The following RTN4 variants were observed in gnomAD, a reference collection of about 807,000 sequenced individuals.
RTN4 encodes the protein reticulon-4.
In RTN4, 32 loss-of-function variants were observed where a neutral mutation model predicts 90.4. That is an observed-to-expected ratio of 0.35 (90% confidence interval 0.27 to 0.48). The LOEUF (loss-of-function observed/expected upper bound fraction) is 0.48. RTN4 is among the 20% of genes least tolerant of loss of function. The pLI, the probability that RTN4 is intolerant of heterozygous loss-of-function variation, is 0.99. For synonymous variants in RTN4, 629 were observed against 552.5 expected (o/e 1.14, Z -1.94); for missense variants, 1,706 against 1,430.2 (o/e 1.19, Z -3.11).
chr2:55,029,194 C>A (rs968144778), intron 1 of RTN4, among the ~76,000 whole-genome samples: 8 of 152,252 alleles, frequency 5.3e-5, no homozygotes, highest in African/African-American at 1.7e-4. Flanking sequence ...CACCTATAAG[C>A]CAGGAGAAGA....
At position 54,982,334 on chromosome 2, in the gene RTN4, A is replaced by T. The variant is rs368145546; in HGVS notation, c.3360+181T>A. ...GTATTAAGTATGACCAGAAAAAAAA[A>T]GGGAATAGCACTTCTTCATCCTTAT... On this transcript the variant is annotated intron_variant, in intron 5 of 8. Transcript: ENST00000337526. Among the ~76,000 whole-genome samples, 13 of 152,324 alleles carry T rather than the reference A, an allele frequency of 8.5e-5. No homozygotes were observed. In the East Asian group the frequency reaches 1.9e-3, roughly 23 times the overall value.
chr2:55,001,536 C>T (rs901597210), intron 3 of RTN4, among the ~76,000 whole-genome samples: 1 of 152,182 alleles, frequency 6.6e-6, no homozygotes, highest in Non-Finnish European at 1.5e-5. Flanking sequence ...TCATAAATAT[C>T]CCTTACTGTT....
chr2:54,983,348 T>TAAAC (rs1264445842), intron 4 of RTN4, among the ~76,000 whole-genome samples: 1 of 148,438 alleles, frequency 6.7e-6, no homozygotes, highest in Admixed American at 6.6e-5. Flanking sequence ...AATAAATAAA[T>TAAAC]AAATAAAAAT....
intron 3 of RTN4, among the ~76,000 whole-genome samples, chr2:54,995,100 C>G (rs1282071572): frequency 6.6e-6 from 1 of 151,944 alleles, no homozygotes; most frequent in East Asian, 1.9e-4. Flanking sequence ...ATTAGCTGGG[C>G]ATGGTGGCCG....
intron 2 of RTN4, among the ~76,000 whole-genome samples, chr2:55,058,440 A>AT (rs1472071931): frequency 6.6e-6 from 1 of 152,174 alleles, no homozygotes; most frequent in African/African-American, 2.4e-5. Flanking sequence ...AATCAGATTC[A>AT]TTTTTTTACC....
At chr2:54,986,445 T>C (rs909749902) in intron 4 of RTN4, among the ~76,000 whole-genome samples, 35 of 152,242 alleles carry the variant, frequency 2.3e-4, no homozygotes, top group African/African-American at 7.7e-4. Context: ...TGAATGAGCA[T>C]GGCTGTGTTC....
At chr2:55,045,819 T>C (rs138025265) in intron 1 of RTN4, among the ~76,000 whole-genome samples, 1 of 152,334 alleles carries the variant, frequency 6.6e-6, no homozygotes, top group East Asian at 1.9e-4. Flanking sequence ...TTAACCTTGG[T>C]TTAGAACATG....
chr2:54,973,762 A>T, intron 7 of RTN4, 59 bp downstream of exon 7: 1 of 1,543,776 alleles, frequency 6.5e-7, no homozygotes, highest in Non-Finnish European at 8.9e-7. Flanking sequence ...TACATCCGTA[A>T]ATCCCATGTA....
chr2:55,092,622 G>C (rs921075617), intron 1 of RTN4, among the ~76,000 whole-genome samples: 2 of 152,218 alleles, frequency 1.3e-5, no homozygotes, highest in African/African-American at 4.8e-5. Context: ...GAGTATACCT[G>C]AGTTTCACTT....
chr2:55,134,498 C>T, the RTN4 span, among the ~76,000 whole-genome samples: 1 of 152,176 alleles, frequency 6.6e-6, no homozygotes, highest in Non-Finnish European at 1.5e-5. Flanking sequence ...TGATGCCCAC[C>T]CAGCAGGCAT....
At chr2:55,088,435 G>T (rs1237512174) in intron 1 of RTN4, among the ~76,000 whole-genome samples, 3 of 152,130 alleles carry the variant, frequency 2.0e-5, no homozygotes, top group Non-Finnish European at 4.4e-5. Context: ...TTTCAACTTG[G>T]CCTAATGAAT....
intron 1 of RTN4, among the ~76,000 whole-genome samples, chr2:55,102,085 T>C (rs1240816896): frequency 6.6e-6 from 1 of 152,168 alleles, no homozygotes; most frequent in Non-Finnish European, 1.5e-5. Context: ...AAGTCCATTT[T>C]TAAAAATCAT....
At chr2:55,007,880 T>C (rs1680345433) in intron 3 of RTN4, among the ~76,000 whole-genome samples, 1 of 152,092 alleles carries the variant, frequency 6.6e-6, no homozygotes, top group Non-Finnish European at 1.5e-5. Context: ...GTCTCAACTA[T>C]AGCTTTTTAG....
Position 55,028,149 on chromosome 2 carries a change from G to A in RTN4, c.613+15C>T. On this transcript the variant is annotated intron_variant, in intron 2 of 8. Coordinates refer to ENST00000337526, the MANE Select transcript of RTN4 (RefSeq NM_020532.5). ...AGAATACAGAGAGGATAAAAGGCTG[G>A]CAGAAAGAACTTGCCTGCAGAGGAG... The A allele has an allele frequency of 6.2e-7, 1 of 1,609,726 alleles. No homozygotes were observed. Among genetic ancestry groups the A allele is most frequent in the South Asian group, 1.1e-5 (1 of 90,714 alleles).
intron 3 of RTN4, among the ~76,000 whole-genome samples, chr2:54,988,696 T>C (rs1284612184): frequency 6.6e-6 from 1 of 152,164 alleles, no homozygotes; most frequent in African/African-American, 2.4e-5. Context: ...ATAGATATAA[T>C]GCCATAAAAA....
At chr2:55,072,032 G>A (rs17347222) in intron 2 of RTN4, among the ~76,000 whole-genome samples, 3,773 of 152,086 alleles carry the variant, frequency 0.025, 156 homozygotes, top group Admixed American at 0.12. Context: ...TTCCTCCTCC[G>A]CTTCCTGCAA....
At chr2:55,116,089 G>GACTTTTTTTTTT, upstream of RTN4, among the ~76,000 whole-genome samples, 1 of 81,276 alleles carries the variant, frequency 1.2e-5, no homozygotes, top group African/African-American at 5.1e-5. Context: ...ATGGGGACTA[G>GACTTTTTTTTTT]TCTTTTTTTT....
rs80351228 is a variant in RTN4, at chr2:55,097,468, T to C, written c.-214+15052A>G. Among the ~76,000 whole-genome samples, 65 of 151,870 alleles carry C rather than the reference T, an allele frequency of 4.3e-4. No homozygotes were observed. The East Asian group carries it at 0.01, about 24-fold the overall frequency. On this transcript the variant is annotated intron_variant, in intron 1 of 3. Transcript: ENST00000427710. ...TCTAAGAGAATAATAGAAAACAAGA[T>C]CAAAACAAGAAGAAACTGGAGGCAG... is the stretch of plus-strand genomic sequence containing the variant.
chr2:55,079,261 A>G (rs958410527), intron 2 of RTN4, among the ~76,000 whole-genome samples: 2 of 152,204 alleles, frequency 1.3e-5, no homozygotes, highest in Non-Finnish European at 2.9e-5. Context: ...AAAAAGTTAT[A>G]ACAGTGCTAG....
Sources: allele counts gnomAD v4.1 joint callset (sites outside exome capture counted in the v4.1 genomes callset), GRCh38; gene constraint gnomAD v4.1.1; transcripts MANE v1.5; gene names NCBI Gene and HGNC (gene_info 2026-07-23, HGNC 2026-07-21).